USH2A: variants seen among roughly 807,000 people sequenced by gnomAD.
USH2A encodes the protein usherin.
Under a neutral mutation model 538.9 loss-of-function variants are expected in USH2A, and 443 were observed. The ratio of observed to expected loss-of-function variants is 0.82; its 90% CI spans 0.76 to 0.89. The LOEUF is 0.89. Among genes scored for constraint, USH2A ranks in the 40% least tolerant of loss-of-function variants. USH2A has a pLI of 0.00. For missense variants in USH2A, 6,633 were observed against 6,324.8 expected, an observed-to-expected ratio of 1.05 and a Z score of -1.65; for synonymous variants, 2,413 against 2,273.5, an observed-to-expected ratio of 1.06 and a Z score of -1.75.
At chr1:216,176,895 T>C (rs914167990) in intron 20 of USH2A, among the ~76,000 whole-genome samples, 12 of 152,212 alleles carry the variant, frequency 7.9e-5, no homozygotes, top group African/African-American at 2.9e-4. Context: ...TGCTAAATAA[T>C]ATTCCCTTGT....
At chr1:216,312,113 G>C (rs1019721826) in intron 9 of USH2A, among the ~76,000 whole-genome samples, 1 of 151,000 alleles carries the variant, frequency 6.6e-6, no homozygotes, top group African/African-American at 2.4e-5. Context: ...TTTTGTTTGA[G>C]AAAGTATTTT....
chr1:215,889,190 A>G, intron 40 of USH2A, 136 bp from the exon 41 acceptor site: 1 of 1,022,704 alleles, frequency 9.8e-7, no homozygotes, highest in Non-Finnish European at 1.4e-6. Flanking sequence ...TAAATAAATA[A>G]GTGCCATAAA....
intron 38 of USH2A, among the ~76,000 whole-genome samples, chr1:215,917,814 T>G (rs1368048684): frequency 6.9e-6 from 1 of 144,848 alleles, no homozygotes; most frequent in Admixed American, 7.0e-5. Flanking sequence ...AAATACAAAA[T>G]TAGCTGGATG....
At position 215,846,018 on chromosome 1, in the gene USH2A, T is replaced by A. The variant is rs1467856164; in HGVS notation, c.8861A>T (p.Gln2954Leu). ...RWAKPTVQDL[Q>L]GEVEYYTLFW... ...AAGTGTGTAATATTCAACTTCACCTTGTAGGTCTTGAACAGCTGTCAACAA... is the reference window on the plus strand; with the variant it reads ...AAGTGTGTAATATTCAACTTCACCTAGTAGGTCTTGAACAGCTGTCAACAA... The change falls in exon 45 of 72, where the codon CAA becomes CTA. Residue 2954 changes from glutamine to leucine, a missense_variant. Coordinates refer to ENST00000307340, the MANE Select transcript of USH2A (RefSeq NM_206933.4). 9 of 1,613,542 alleles carry A rather than the reference T, an allele frequency of 5.6e-6. No individual in the cohort carries two copies. Among genetic ancestry groups the A allele is most frequent in the Non-Finnish European group, 7.6e-6 (9 of 1,179,838 alleles).
intron 32 of USH2A, among the ~76,000 whole-genome samples, chr1:216,013,383 C>G (rs1031672883): frequency 1.3e-5 from 2 of 151,702 alleles, no homozygotes; most frequent in Non-Finnish European, 2.9e-5. Context: ...TCCATACCAT[C>G]CCCCAAAATT....
intron 61 of USH2A, among the ~76,000 whole-genome samples, chr1:215,707,794 C>A (rs913513957): frequency 1.3e-5 from 2 of 152,088 alleles, no homozygotes; most frequent in East Asian, 1.9e-4. Context: ...GTAAAACTCA[C>A]CTTTCTGAAA....
chr1:215,864,555 T>G (rs1664421110), intron 44 of USH2A, among the ~76,000 whole-genome samples: 1 of 152,110 alleles, frequency 6.6e-6, no homozygotes, highest in South Asian at 2.1e-4. Context: ...ATAGTTTCCT[T>G]CCAGAAATGT....
intron 63 of USH2A, among the ~76,000 whole-genome samples, chr1:215,673,009 C>A (rs572444343): frequency 1.0e-3 from 155 of 152,262 alleles, no homozygotes; most frequent in Non-Finnish European, 1.8e-3. Context: ...GAGGTACAGT[C>A]AGGTAAAGAG....
intron 3 of USH2A, among the ~76,000 whole-genome samples, chr1:216,366,582 T>TC (rs201764770): frequency 0.025 from 3,829 of 150,254 alleles, 152 homozygotes; most frequent in African/African-American, 0.086. Flanking sequence ...TTTTTCAATG[T>TC]CCCCCCCCAA....
rs528586936 is a variant in USH2A at position 215,628,166 on chromosome 1, C to CA, written c.15519+647dup. 2.4e-4 allele frequency among the ~76,000 whole-genome samples: 36 copies of CA among 151,902 alleles called. No homozygotes were observed. The South Asian group carries it at 6.7e-3, about 28-fold the overall frequency. ...CATACACCAATAGGAAAAGGCAAAA[C>CA]AAAAAAAGTACCTTTTTGTTTTAGT... On this transcript the variant is annotated intron_variant, in intron 71 of 71. Coordinates refer to ENST00000307340, the MANE Select transcript of USH2A (RefSeq NM_206933.4).
intron 37 of USH2A, among the ~76,000 whole-genome samples, chr1:215,940,528 G>A (rs925492607): frequency 3.3e-5 from 5 of 151,992 alleles, no homozygotes; most frequent in Non-Finnish European, 5.9e-5. Flanking sequence ...AATCTGAAAG[G>A]TGCTGAGTAT....
chr1:216,035,156 T>G (rs1328222336), intron 32 of USH2A, among the ~76,000 whole-genome samples: 1 of 152,186 alleles, frequency 6.6e-6, no homozygotes, highest in Admixed American at 6.6e-5. Flanking sequence ...CAGCATCAAA[T>G]GCACAGCACT....
Position 215,676,760 on chromosome 1 carries a change from C to A in USH2A, c.12295-1144G>T, listed in dbSNP as rs190136141. On this transcript the variant is annotated intron_variant, in intron 62 of 71. Coordinates refer to ENST00000307340, the MANE Select transcript of USH2A (RefSeq NM_206933.4). ...TCTGAAGGGAGCATAGGTTCCATAA[C>A]TAGCTTGCAGCCTCTGTGACCCCCC... Among the ~76,000 whole-genome samples, 428 of 150,246 alleles carry A rather than the reference C, an allele frequency of 2.8e-3. 3 individuals are homozygous for A. The highest frequency in any genetic ancestry group is 5.0e-3 in the Non-Finnish European group (337 of 67,642).
In USH2A at chr1:216,292,388, A is replaced by C; in HGVS notation, c.1645-18T>G. The C allele has an allele frequency of 1.2e-6, 2 of 1,611,156 alleles. No individual in the cohort carries two copies. ...CGATCACACTAGAACAAAAAATATCAGAACAGTAAAGAAAATAAAGCTGTG... is the reference window on the plus strand; with the variant it reads ...CGATCACACTAGAACAAAAAATATCCGAACAGTAAAGAAAATAAAGCTGTG... On this transcript the variant is annotated intron_variant, in intron 9 of 71. Transcript: ENST00000307340.
chr1:216,088,075 C>G (rs1363889004), intron 23 of USH2A, among the ~76,000 whole-genome samples: 1 of 152,128 alleles, frequency 6.6e-6, no homozygotes, highest in African/African-American at 2.4e-5. Context: ...CCCACACTGG[C>G]CTTCTTGTTG....
intron 14 of USH2A, among the ~76,000 whole-genome samples, chr1:216,220,144 T>G (rs1294970314): frequency 6.6e-6 from 1 of 152,070 alleles, no homozygotes; most frequent in Non-Finnish European, 1.5e-5. Flanking sequence ...ATTCATCATC[T>G]GAGGGAGAAC....
intron 21 of USH2A, among the ~76,000 whole-genome samples, chr1:216,124,557 A>G (rs2033209320): frequency 6.6e-6 from 1 of 152,224 alleles, no homozygotes; most frequent in South Asian, 2.1e-4. Flanking sequence ...AACATAGAGC[A>G]ATTCAAGTCA....
chr1:215,972,465 A>G (rs77109483), intron 35 of USH2A, among the ~76,000 whole-genome samples: 1,857 of 152,284 alleles, frequency 0.012, 33 homozygotes, highest in East Asian at 0.064. Context: ...TCTTCCATCC[A>G]GTACCTGCCA....
rs537863698 is a variant in USH2A, at chr1:216,199,637, C to A, written c.3801G>T (p.Ala1267=). 1 of 1,613,942 alleles carries A rather than the reference C, an allele frequency of 6.2e-7. No homozygotes were observed. Among genetic ancestry groups the A allele is most frequent in the Middle Eastern group, 1.7e-4 (1 of 5,964 alleles). The change falls in exon 17 of 72, where the codon GCG becomes GCT. Residue 1267 remains alanine, a synonymous_variant. Coordinates refer to ENST00000307340, the MANE Select transcript of USH2A (RefSeq NM_206933.4). Reference sequence around the variant, plus strand: ...GCCTTGGATTCTTACCATTTAGTTCCGCTGGTGGAGACCATTCTACATGAA... The same window carrying A: ...GCCTTGGATTCTTACCATTTAGTTCAGCTGGTGGAGACCATTCTACATGAA... The part of the protein sequence containing the change: ...TELHVEWSPP[A]ELNGIIIRYE...
Sources: allele counts gnomAD v4.1 joint callset (sites outside exome capture counted in the v4.1 genomes callset), GRCh38; gene constraint gnomAD v4.1.1; transcripts MANE v1.5; gene names NCBI Gene and HGNC (gene_info 2026-07-23, HGNC 2026-07-21).